The following GNAT2 variants were observed in gnomAD, a reference collection of about 807,000 sequenced individuals.
GNAT2 encodes the protein G protein subunit alpha transducin 2.
A neutral mutation model predicts 40.9 loss-of-function variants in GNAT2; 32 were observed. That is an observed-to-expected ratio of 0.78 (90% CI 0.59 to 1.05). The LOEUF is 1.05. Among genes scored for constraint, GNAT2 ranks in the 50% least tolerant of loss-of-function variants. The probability of loss-of-function intolerance (pLI) is 0.00; values close to 1 mark genes in which losing one functional copy is unlikely to be tolerated. For synonymous variants in GNAT2, 141 were observed against 157.2 expected (o/e 0.90, Z 0.77); for missense variants, 355 against 431.5 (o/e 0.82, Z 1.57).
In GNAT2 at chr1:109,612,244, A is replaced by G. The variant is rs1464229449; in HGVS notation, c.118+509T>C. On this transcript the variant is annotated intron_variant, in intron 2 of 8. Coordinates refer to ENST00000679935, the MANE Select transcript of GNAT2 (RefSeq NM_001377295.2). ...CATTCCTCCTTCCTCAGAGCCCCCT[A>G]CTTCCAAAGTTTTTACTGAAAGCAA... 3 of 198,586 alleles carry G rather than the reference A, an allele frequency of 1.5e-5. No individual in the cohort carries two copies. The Admixed American group carries it at 1.6e-4, about 10-fold the overall frequency. The allele number at this position is 198,586 out of a possible 1,614,324, so 12.3% of individuals were successfully genotyped here. A position where few individuals can be genotyped will look rare whatever the true frequency, so the allele number is the denominator to read the frequency against.
intron 1 of GNAT2, chr1:109,614,301 C>T (rs1649889701): frequency 6.6e-6 from 1 of 152,220 alleles, no homozygotes; most frequent in African/African-American, 2.4e-5. Flanking sequence ...TAAGAATCAC[C>T]TGGGTTGCTG....
At chr1:109,619,187 G>C (rs1650049561) in intron 1 of GNAT2, among the ~76,000 whole-genome samples, 1 of 152,182 alleles carries the variant, frequency 6.6e-6, no homozygotes. Flanking sequence ...CCAAGGCCAA[G>C]GCTAAAGCAA....
Position 109,608,596 on chromosome 1 carries a change from A to G in GNAT2, c.461+35T>C, listed in dbSNP as rs1178352028. On this transcript the variant is annotated intron_variant, in intron 5 of 8. Coordinates refer to ENST00000679935, the MANE Select transcript of GNAT2 (RefSeq NM_001377295.2). Reference sequence around the variant, plus strand: ...GAGAAGACTGGCTAGAAGATTGCTTAAGCATCAACCCACCCTCTCACCAGT... The same window carrying G: ...GAGAAGACTGGCTAGAAGATTGCTTGAGCATCAACCCACCCTCTCACCAGT... 2.5e-6 allele frequency: 4 copies of G among 1,598,484 alleles called. No individual in the cohort carries two copies. In the South Asian group the frequency reaches 4.4e-5, roughly 18 times the overall value.
intron 2 of GNAT2, chr1:109,610,888 A>AG (rs747955480): frequency 8.8e-6 from 3 of 341,554 alleles, no homozygotes; most frequent in Non-Finnish European, 1.7e-5. Flanking sequence ...TAACAGATTC[A>AG]GGGGGAGTCC....
chr1:109,604,149 GAAT>G, intron 7 of GNAT2, 45 bp from the exon 8 acceptor site: 1 of 1,466,584 alleles, frequency 6.8e-7, no homozygotes, highest in Non-Finnish European at 9.5e-7. Flanking sequence ...TTGGCTTATA[GAAT>G]ATCTACCTAC....
At chr1:109,605,040 G>C (rs114851614) in intron 7 of GNAT2, 163 of 152,370 alleles carry the variant, frequency 1.1e-3, no homozygotes, top group African/African-American at 3.8e-3. Context: ...GATATTCAGA[G>C]TGCTCTAATG....
intron 2 of GNAT2, chr1:109,612,329 A>G (rs1328308823): frequency 3.5e-6 from 1 of 285,860 alleles, no homozygotes; most frequent in Non-Finnish European, 6.9e-6. Context: ...GTTGGCACTG[A>G]CTGTATGGTG....
chr1:109,615,212 C>A (rs1423497431), intron 1 of GNAT2: 2 of 152,230 alleles, frequency 1.3e-5, no homozygotes, highest in African/African-American at 2.4e-5. Context: ...TTAAGTAACT[C>A]ATTTAAAGTC....
At chr1:109,615,289 G>A (rs1356949502) in intron 1 of GNAT2, 1 of 152,250 alleles carries the variant, frequency 6.6e-6, no homozygotes, top group East Asian at 1.9e-4. Flanking sequence ...TGGATGACCT[G>A]AGGTCAGGAG....
At chr1:109,612,359 T>G in intron 2 of GNAT2, 1 of 303,550 alleles carries the variant, frequency 3.3e-6, no homozygotes, top group Non-Finnish European at 6.5e-6. Context: ...AGCCTGTTGG[T>G]GAGGGAAGGT....
In GNAT2 at chr1:109,603,950, C is replaced by T. The variant is rs1302332659; in HGVS notation, c.874+1G>A. ...TATTATTTCCAGCCCCTGACACTTA[C>T]CATCATACTCTGGAAAACAAATGCT... On this transcript the variant is annotated splice_donor_variant, in intron 8 of 8. Transcript: ENST00000679935. LOFTEE classifies it high-confidence loss of function. The T allele has an allele frequency of 6.3e-7, 1 of 1,596,534 alleles. No individual in the cohort carries two copies.
chr1:109,606,814 G>T (rs1649612074), intron 5 of GNAT2: 1 of 277,872 alleles, frequency 3.6e-6, no homozygotes, highest in South Asian at 3.7e-5. Context: ...GCAACACATG[G>T]ACTTTGTTTA....
intron 7 of GNAT2, chr1:109,604,635 A>G (rs1433969196): frequency 6.0e-6 from 1 of 167,258 alleles, no homozygotes; most frequent in Non-Finnish European, 1.3e-5. Context: ...AGAATTTCCC[A>G]GTGCCATACC....
intron 1 of GNAT2, chr1:109,615,854 A>T (rs528786557): frequency 6.6e-6 from 1 of 152,302 alleles, no homozygotes; most frequent in East Asian, 1.9e-4. Context: ...TATTACTTCC[A>T]CATAAGTAGC....
intron 8 of GNAT2, 76 bp downstream of exon 8, chr1:109,603,875 T>C (rs1649509605): frequency 6.4e-6 from 7 of 1,099,174 alleles, no homozygotes; most frequent in Non-Finnish European, 8.4e-6. Context: ...CTTTGTGTCA[T>C]CTTGGCCTAA....
At chr1:109,608,538 A>G (rs1649685830) in intron 5 of GNAT2, 93 bp downstream of exon 5, 1 of 1,217,242 alleles carries the variant, frequency 8.2e-7, no homozygotes, top group African/African-American at 1.5e-5. Flanking sequence ...AATGCCTGAA[A>G]TTTTGGGTTG....
chr1:109,612,335 T>C, intron 2 of GNAT2: 1 of 296,370 alleles, frequency 3.4e-6, no homozygotes, highest in South Asian at 3.2e-5. Flanking sequence ...ACTGACTGTA[T>C]GGTGGGACTT....
In GNAT2 at chr1:109,608,768, G is replaced by T; in HGVS notation, c.324C>A (p.Asn108Lys). 6.2e-7 allele frequency: 1 copy of T among 1,614,070 alleles called. No homozygotes were observed. Among genetic ancestry groups the T allele is most frequent in the Non-Finnish European group, 8.5e-7 (1 of 1,179,920 alleles). Residue 108 changes from asparagine to lysine, a missense_variant, in exon 5 of 9, where the codon AAC (asparagine) becomes AAA (lysine). By Grantham distance (94) the Asn-to-Lys change is moderately conservative. Coordinates refer to ENST00000679935, the MANE Select transcript of GNAT2 (RefSeq NM_001377295.2). ...PSCADDGRQL[N>K]NLADSIEEGT... Reference sequence around the variant, plus strand: ...CCTCCTCAATGGAGTCAGCCAGGTTGTTGAGCTGTCGCCCGTCATCCTGTA... The same window carrying T: ...CCTCCTCAATGGAGTCAGCCAGGTTTTTGAGCTGTCGCCCGTCATCCTGTA...
chr1:109,609,976 TG>T (rs59856858), intron 4 of GNAT2, 63 bp downstream of exon 4: 62,608 of 1,506,602 alleles, frequency 0.042, 1,532 homozygotes, highest in Middle Eastern at 0.049. Flanking sequence ...TGTTGGCCTC[TG>T]GTATGTTTCT....
Sources: gnomAD v4.1 joint callset for allele counts (sites outside exome capture counted in the v4.1 genomes callset) on GRCh38, gnomAD v4.1.1 for gene constraint, MANE v1.5 for transcripts, NCBI Gene and HGNC (gene_info 2026-07-23, HGNC 2026-07-21) for gene names.